IL23R: variants seen among roughly 807,000 people sequenced by gnomAD.
IL23R encodes interleukin 23 receptor.
In IL23R, 34 loss-of-function variants were observed where a neutral mutation model predicts 56.9. The observed-to-expected ratio is 0.60, with a 90% confidence interval of 0.45 to 0.80. IL23R has a LOEUF of 0.80. Ranked by LOEUF, IL23R falls within the 30% of genes least tolerant of loss-of-function variation. The pLI is 0.00. For missense variants in IL23R, 635 were observed against 730.0 expected (o/e 0.87, Z 1.50); for synonymous variants, 230 against 249.2 (o/e 0.92, Z 0.73).
intron 6 of IL23R, 123 bp from the exon 7 acceptor site, chr1:67,219,451 C>T (rs1261752035): frequency 5.8e-6 from 5 of 866,420 alleles, no homozygotes; most frequent in Non-Finnish European, 9.3e-6. Flanking sequence ...ATAAAGAACA[C>T]TTTGTTTTCC....
chr1:67,225,893 C>T (rs948259163), intron 7 of IL23R, among the ~76,000 whole-genome samples: 25 of 152,108 alleles, frequency 1.6e-4, no homozygotes, highest in African/African-American at 6.0e-4. Context: ...AAATCCATTG[C>T]TGTAGAGGTC....
At chr1:67,238,733 T>C (rs575742322) in intron 8 of IL23R, among the ~76,000 whole-genome samples, 75 of 152,330 alleles carry the variant, frequency 4.9e-4, no homozygotes, top group Admixed American at 1.0e-3. Flanking sequence ...ACCTGAGGGC[T>C]GTCTATCCTC....
chr1:67,264,507 CTT>C (rs981479058), downstream of IL23R, among the ~76,000 whole-genome samples: 2 of 152,138 alleles, frequency 1.3e-5, no homozygotes, highest in African/African-American at 4.8e-5. Context: ...ATGAATCTCT[CTT>C]GGGTAAAAGA....
intron 9 of IL23R, among the ~76,000 whole-genome samples, chr1:67,246,798 G>A (rs1652253683): frequency 6.6e-6 from 1 of 152,132 alleles, no homozygotes. Context: ...GTTGATTTGG[G>A]GTGGACAGTT....
At chr1:67,148,663 T>C (rs1036866300) in intron 1 of IL23R, among the ~76,000 whole-genome samples, 1 of 152,204 alleles carries the variant, frequency 6.6e-6, no homozygotes, top group Non-Finnish European at 1.5e-5. Context: ...ATTAACCTTT[T>C]GTGGTAGATT....
chr1:67,185,499 T>C (rs922464172), intron 4 of IL23R, among the ~76,000 whole-genome samples: 4 of 152,294 alleles, frequency 2.6e-5, no homozygotes, highest in Admixed American at 6.5e-5. Context: ...TGGAGTGCAG[T>C]GGCACAATCT....
Position 67,206,884 on chromosome 1 carries a change from C to CTTTTTT in IL23R, c.653-10_653-5dup, listed in dbSNP as rs557919248. 309 of 1,190,570 alleles carry CTTTTTT rather than the reference C, an allele frequency of 2.6e-4. 14 individuals are homozygous for CTTTTTT. The highest frequency in any genetic ancestry group is 7.8e-4 in the South Asian group (46 of 59,134). 73.8% of individuals were successfully genotyped at this position (1,190,570 alleles called of 1,614,324 possible). A position where few individuals can be genotyped will look rare whatever the true frequency, so the allele number is the denominator to read the frequency against. On this transcript the variant is annotated intron_variant, in intron 5 of 10. Coordinates refer to ENST00000347310, the MANE Select transcript of IL23R (RefSeq NM_144701.3). ...CTAGGCAAGTTTTAAACAGCCAGGT[C>CTTTTTT]TTTTTTTTTTTTTTTTTTTTTCTAG...
chr1:67,184,960 G>T (rs1030121607), intron 4 of IL23R, among the ~76,000 whole-genome samples: 3 of 152,148 alleles, frequency 2.0e-5, no homozygotes, highest in African/African-American at 7.2e-5. Context: ...GAGCTTGTTT[G>T]CCCTTCTACC....
intron 7 of IL23R, among the ~76,000 whole-genome samples, chr1:67,224,418 T>C (rs1296841579): frequency 6.6e-6 from 1 of 152,260 alleles, no homozygotes; most frequent in Non-Finnish European, 1.5e-5. Context: ...GCAGGACTTT[T>C]CTGAATTAGT....
At chr1:67,164,202 A>C (rs1256059972), upstream of IL23R, among the ~76,000 whole-genome samples, 1 of 152,238 alleles carries the variant, frequency 6.6e-6, no homozygotes, top group Non-Finnish European at 1.5e-5. Flanking sequence ...CTGATTTAAA[A>C]ATCAGCTCTT....
chr1:67,224,113 T>A (rs1650469588), intron 7 of IL23R, among the ~76,000 whole-genome samples: 1 of 152,186 alleles, frequency 6.6e-6, no homozygotes. Context: ...GGAGACAAAA[T>A]TCCCTGCCTT....
rs557919248 is a variant in IL23R at position 67,206,884 on chromosome 1, C to CTTTTTTTTTTT, written c.653-15_653-5dup. 1.8e-4 allele frequency: 210 copies of CTTTTTTTTTTT among 1,190,654 alleles called. 2 individuals carry two copies. Among genetic ancestry groups the CTTTTTTTTTTT allele is most frequent in the East Asian group, 1.0e-3 (28 of 27,692 alleles). 73.8% of individuals were successfully genotyped at this position (1,190,654 alleles called of 1,614,324 possible). ...CTAGGCAAGTTTTAAACAGCCAGGT[C>CTTTTTTTTTTT]TTTTTTTTTTTTTTTTTTTTTCTAG... On this transcript the variant is annotated intron_variant, in intron 5 of 10. Coordinates refer to ENST00000347310, the MANE Select transcript of IL23R (RefSeq NM_144701.3).
intron 6 of IL23R, among the ~76,000 whole-genome samples, chr1:67,213,502 T>C (rs1429919609): frequency 2.6e-5 from 4 of 152,196 alleles, no homozygotes; most frequent in African/African-American, 9.7e-5. Context: ...AAGGAGAATA[T>C]GTGCCACGCA....
At chr1:67,220,491 AC>A (rs1650172466) in intron 7 of IL23R, among the ~76,000 whole-genome samples, 1 of 152,222 alleles carries the variant, frequency 6.6e-6, no homozygotes, top group South Asian at 2.1e-4. Context: ...GCAGATGATA[AC>A]ATTTAAATTG....
At chr1:67,191,896 T>G (rs1243981355) in intron 4 of IL23R, among the ~76,000 whole-genome samples, 1 of 152,238 alleles carries the variant, frequency 6.6e-6, no homozygotes, top group African/African-American at 2.4e-5. Context: ...AAACTTTATC[T>G]CAGTCTCTTT....
chr1:67,264,313 GAATAA>G (rs1653285993), downstream of IL23R, among the ~76,000 whole-genome samples: 1 of 152,122 alleles, frequency 6.6e-6, no homozygotes, highest in Non-Finnish European at 1.5e-5. Flanking sequence ...AGATCACTAA[GAATAA>G]AATACTGTGT....
chr1:67,232,369 C>T (rs1167243584), intron 7 of IL23R, among the ~76,000 whole-genome samples: 1 of 152,114 alleles, frequency 6.6e-6, no homozygotes, highest in Non-Finnish European at 1.5e-5. Context: ...CATGGCGAGT[C>T]CTCAGTGGAG....
intron 1 of IL23R, among the ~76,000 whole-genome samples, chr1:67,152,829 G>C (rs966074230): frequency 6.6e-6 from 1 of 152,182 alleles, no homozygotes; most frequent in Non-Finnish European, 1.5e-5. Flanking sequence ...GCTTTTTGAT[G>C]TGCTCCTGGA....
intron 7 of IL23R, among the ~76,000 whole-genome samples, chr1:67,220,377 AT>A (rs1479870569): frequency 2.0e-5 from 3 of 151,988 alleles, no homozygotes; most frequent in Non-Finnish European, 4.4e-5. Flanking sequence ...TCAAAAAAAA[AT>A]AAAAATAAAA....
Sources: allele counts gnomAD v4.1 joint callset (sites outside exome capture counted in the v4.1 genomes callset), GRCh38; gene constraint gnomAD v4.1.1; transcripts MANE v1.5; gene names NCBI Gene and HGNC (gene_info 2026-07-23, HGNC 2026-07-21).